Variants in INTS6 observed in about 807,000 individuals in gnomAD.
The protein encoded by INTS6 is DEAD box protein.
Under a neutral mutation model 104.9 loss-of-function variants are expected in INTS6, and 16 were observed. The ratio of observed to expected loss-of-function variants is 0.15; its 90% confidence interval spans 0.10 to 0.23. INTS6 has a LOEUF of 0.23. Among genes scored for constraint, INTS6 ranks in the 10% least tolerant of loss-of-function variants. INTS6 has a pLI of 1.00. For synonymous variants in INTS6, 324 were observed against 358.7 expected (o/e 0.90, Z 1.09); for missense variants, 584 against 1,062.8 (o/e 0.55, Z 6.26).
intron 7 of INTS6, chr13:51,383,943 C>T (rs374279303): frequency 1.0e-4 from 38 of 374,050 alleles, no homozygotes; most frequent in African/African-American, 7.7e-4. Flanking sequence ...AAGATAAACA[C>T]TTGAAAATCT....
Position 51,388,368 on chromosome 13 carries a change from G to GTGTT in INTS6, c.740-829_740-828insAACA, listed in dbSNP as rs1344133694. Among the ~76,000 whole-genome samples, 17 of 148,600 alleles carry GTGTT rather than the reference G, an allele frequency of 1.1e-4. No homozygotes were observed. In the East Asian group the frequency reaches 1.3e-3, roughly 11 times the overall value. On this transcript the variant is annotated intron_variant, in intron 6 of 17. Coordinates refer to ENST00000311234, the MANE Select transcript of INTS6 (RefSeq NM_012141.3). ...TCTCTAAATCTTTGTGTGTGTGTGT[G>GTGTT]TTTTGTTTTTTTTTGTTTTTGTTTT... is the stretch of plus-strand genomic sequence containing the variant.
At chr13:51,357,045 A>T (rs775264702), downstream of INTS6, among the ~76,000 whole-genome samples, 14 of 152,172 alleles carry the variant, frequency 9.2e-5, no homozygotes, top group Non-Finnish European at 4.4e-5. Context: ...AGCCACTCTC[A>T]TTCATTCATA....
intron 6 of INTS6, among the ~76,000 whole-genome samples, chr13:51,387,870 A>G (rs1163065959): frequency 2.0e-5 from 3 of 152,188 alleles, no homozygotes; most frequent in African/African-American, 4.8e-5. Flanking sequence ...TCATCAGATG[A>G]TAAGAGCAAG....
At chr13:51,389,004 C>CAT (rs1956197217) in intron 6 of INTS6, among the ~76,000 whole-genome samples, 1 of 152,078 alleles carries the variant, frequency 6.6e-6, no homozygotes, top group Non-Finnish European at 1.5e-5. Flanking sequence ...ATAGGAGAAG[C>CAT]ATATATATGT....
the INTS6 span, among the ~76,000 whole-genome samples, chr13:51,343,026 G>A: frequency 6.6e-6 from 1 of 152,054 alleles, no homozygotes; most frequent in Admixed American, 6.5e-5. Flanking sequence ...CGTTTGGCTG[G>A]GGACCCTGGC....
chr13:51,432,421 GAC>G (rs1957107972), intron 3 of INTS6, among the ~76,000 whole-genome samples: 1 of 150,484 alleles, frequency 6.6e-6, no homozygotes, highest in African/African-American at 2.4e-5. Flanking sequence ...AAATGGTTAA[GAC>G]AGTAAATTTT....
At chr13:51,376,283 A>G in intron 12 of INTS6, 109 bp from the exon 13 acceptor site, 1 of 791,182 alleles carries the variant, frequency 1.3e-6, no homozygotes, top group African/African-American at 1.8e-5. Flanking sequence ...TAAACTGGTT[A>G]GCTTAAAAAA....
chr13:51,414,357 T>TA (rs1355186373), intron 4 of INTS6, among the ~76,000 whole-genome samples: 1 of 152,194 alleles, frequency 6.6e-6, no homozygotes, highest in African/African-American at 2.4e-5. Flanking sequence ...ACCAATATCC[T>TA]AAAAAATATA....
Position 51,364,272 on chromosome 13 carries a change from C to T in INTS6, c.*1480G>A, listed in dbSNP as rs534777140. 1.4e-6 allele frequency: 2 copies of T among 1,476,400 alleles called. No individual in the cohort carries two copies. The highest frequency in any genetic ancestry group is 1.4e-5 in the African/African-American group (1 of 71,212). The allele number at this position is 1,476,400 out of a possible 1,614,324, so 91.5% of individuals were successfully genotyped here. On this transcript the variant is annotated 3_prime_UTR_variant, in exon 18 of 18. Transcript: ENST00000311234. ...TTCAGTATTGGGAGAGTTTCAAATC[C>T]CCTAGACTAAATGCATGTTCTCCAC...
In INTS6 at chr13:51,372,477, G is replaced by A. The variant is rs1593668543; in HGVS notation, c.2104+1731C>T. Among the ~76,000 whole-genome samples, 5 of 151,994 alleles carry A rather than the reference G, an allele frequency of 3.3e-5. No individual in the cohort carries two copies. In the South Asian group the frequency reaches 1.0e-3, roughly 32 times the overall value. On this transcript the variant is annotated intron_variant, in intron 15 of 17. Transcript: ENST00000311234. ...TTTGGCACTTTCAAGGTTCTGTTCTGAGCGTTTTTTCTTCTTTTTGCCTTG... is the reference window on the plus strand; with the variant it reads ...TTTGGCACTTTCAAGGTTCTGTTCTAAGCGTTTTTTCTTCTTTTTGCCTTG...
At chr13:51,388,283 T>C (rs1037728393) in intron 6 of INTS6, among the ~76,000 whole-genome samples, 6 of 152,134 alleles carry the variant, frequency 3.9e-5, no homozygotes, top group Admixed American at 6.6e-5. Context: ...CTCTATGATC[T>C]TTCTCTTCTC....
Position 51,376,227 on chromosome 13 carries a change from A to G in INTS6, c.1603-53T>C, listed in dbSNP as rs1449855575. 4 of 1,475,976 alleles carry G rather than the reference A, an allele frequency of 2.7e-6. No individual in the cohort carries two copies. In the African/African-American group the frequency reaches 4.2e-5, roughly 16 times the overall value. 91.4% of individuals were successfully genotyped at this position (1,475,976 alleles called of 1,614,324 possible). A position where few individuals can be genotyped will look rare whatever the true frequency, so the allele number is the denominator to read the frequency against. On this transcript the variant is annotated intron_variant, in intron 12 of 17. Transcript: ENST00000311234. The stretch of plus-strand genomic sequence containing the variant: ...TTATTGTCAAACATAGAATTACAAG[A>G]GACTAAAATCTCTAGCCTGCAGCAT...
At chr13:51,356,497 G>A (rs147388972) in intron 3 of INTS6, among the ~76,000 whole-genome samples, 32 of 152,280 alleles carry the variant, frequency 2.1e-4, no homozygotes, top group Non-Finnish European at 2.6e-4. Context: ...GATGATCAGA[G>A]TTAAAAACTG....
At chr13:51,417,314 TC>T (rs988419933) in intron 4 of INTS6, among the ~76,000 whole-genome samples, 3 of 152,228 alleles carry the variant, frequency 2.0e-5, no homozygotes, top group African/African-American at 7.2e-5. Flanking sequence ...GCCTATGTTT[TC>T]TTCTAAGTTT....
chr13:51,351,625 G>GT (rs529029394), downstream of INTS6, among the ~76,000 whole-genome samples: 651 of 152,144 alleles, frequency 4.3e-3, 2 homozygotes, highest in Non-Finnish European at 6.3e-3. Flanking sequence ...CACAAAAGTT[G>GT]TTAATTTGGA....
chr13:51,430,727 T>C (rs1313974769), intron 3 of INTS6, among the ~76,000 whole-genome samples: 2 of 152,186 alleles, frequency 1.3e-5, no homozygotes, highest in East Asian at 3.8e-4. Context: ...TTGATTTTTG[T>C]AGATATTACA....
intron 3 of INTS6, among the ~76,000 whole-genome samples, chr13:51,355,528 T>G (rs1201323970): frequency 6.6e-6 from 1 of 152,094 alleles, no homozygotes; most frequent in Non-Finnish European, 1.5e-5. Flanking sequence ...TACACCCTTT[T>G]CCTCCCTCCT....
chr13:51,352,771 G>A (rs1007080570), downstream of INTS6, among the ~76,000 whole-genome samples: 3 of 151,998 alleles, frequency 2.0e-5, no homozygotes, highest in African/African-American at 4.8e-5. Context: ...TCTATCCAAA[G>A]TTTGTTGTAT....
At chr13:51,432,380 T>G (rs1274844475) in intron 3 of INTS6, among the ~76,000 whole-genome samples, 1 of 152,030 alleles carries the variant, frequency 6.6e-6, no homozygotes, top group Non-Finnish European at 1.5e-5. Context: ...ACAATGTGAA[T>G]ATATCTAACA....
Sources: allele counts gnomAD v4.1 joint callset (sites outside exome capture counted in the v4.1 genomes callset), GRCh38; gene constraint gnomAD v4.1.1; transcripts MANE v1.5; gene names NCBI Gene and HGNC (gene_info 2026-07-23, HGNC 2026-07-21).